WDTC1: variants seen among roughly 807,000 people sequenced by gnomAD.
The protein encoded by WDTC1 is WD and tetratricopeptide repeats protein 1.
In WDTC1, 12 loss-of-function variants were observed where a neutral mutation model predicts 76.0. That is an observed-to-expected ratio of 0.16 (90% confidence interval 0.10 to 0.26). The LOEUF is 0.26. WDTC1 is among the 10% of genes least tolerant of loss of function. WDTC1 has a pLI of 1.00. For synonymous variants in WDTC1, 326 were observed against 350.8 expected (o/e 0.93, Z 0.79); for missense variants, 511 against 908.8 (o/e 0.56, Z 5.63).
At chr1:27,260,397 G>A (rs573210123) in intron 1 of WDTC1, among the ~76,000 whole-genome samples, 64 of 152,306 alleles carry the variant, frequency 4.2e-4, no homozygotes, top group African/African-American at 1.3e-3. Flanking sequence ...GAGCCACCGC[G>A]CCCGGCCCTA....
intron 5 of WDTC1, 63 bp from the exon 6 acceptor site, chr1:27,287,611 A>G (rs943443908): frequency 6.5e-7 from 1 of 1,526,770 alleles, no homozygotes; most frequent in Non-Finnish European, 8.9e-7. Context: ...CATCCAGGCT[A>G]GCCTCCTTCC....
chr1:27,278,344 C>G (rs1322094839), intron 3 of WDTC1, among the ~76,000 whole-genome samples: 1 of 152,190 alleles, frequency 6.6e-6, no homozygotes, highest in African/African-American at 2.4e-5. Context: ...TTGCTGACCT[C>G]TGCTTTAGAT....
chr1:27,260,633 T>C (rs2012448430), intron 1 of WDTC1, among the ~76,000 whole-genome samples: 1 of 152,214 alleles, frequency 6.6e-6, no homozygotes. Context: ...TGAAACTTGA[T>C]GTCTTTCTAG....
chr1:27,238,902 T>C (rs1344513777), intron 1 of WDTC1, among the ~76,000 whole-genome samples: 1 of 150,612 alleles, frequency 6.6e-6, no homozygotes, highest in Non-Finnish European at 1.5e-5. Context: ...GAGACAGGGT[T>C]TTGCCATGTT....
chr1:27,303,065 G>T lies in WDTC1; in HGVS notation c.1469-556G>T, dbSNP rs1347763872. Among the ~76,000 whole-genome samples the T allele has an allele frequency of 6.6e-6, 1 of 152,132 alleles. No individual in the cohort carries two copies. Among genetic ancestry groups the T allele is most frequent in the African/African-American group, 2.4e-5 (1 of 41,440 alleles). On this transcript the variant is annotated intron_variant, in intron 13 of 15. Transcript: ENST00000319394. The surrounding 1 kb of genome is among the most constrained non-coding windows in gnomAD (Gnocchi z 4.8). ...AGGCAGGTGGATCACCTGAGGTCAGGAGTTTGAGACCAGCCTGGCCAATGT... is the reference window on the plus strand; with the variant it reads ...AGGCAGGTGGATCACCTGAGGTCAGTAGTTTGAGACCAGCCTGGCCAATGT...
intron 2 of WDTC1, 110 bp from the exon 3 acceptor site, chr1:27,263,042 G>A (rs1570952827): frequency 8.8e-7 from 1 of 1,133,846 alleles, no homozygotes; most frequent in South Asian, 1.4e-5. Context: ...GTTCCTTGTT[G>A]TCTTCTTTAG....
chr1:27,281,614 G>A (rs1449834611), intron 3 of WDTC1, among the ~76,000 whole-genome samples: 1 of 151,776 alleles, frequency 6.6e-6, no homozygotes, highest in Non-Finnish European at 1.5e-5. Context: ...TTTGAGACAC[G>A]GTCTGGCTCT....
chr1:27,261,735 A>AG lies in WDTC1; in HGVS notation c.48+635dup, dbSNP rs2012480434. Among the ~76,000 whole-genome samples, 3 of 152,164 alleles carry AG rather than the reference A, an allele frequency of 2.0e-5. No homozygotes were observed. In the South Asian group the frequency reaches 6.2e-4, roughly 31 times the overall value. On this transcript the variant is annotated intron_variant, in intron 2 of 15. Transcript: ENST00000319394. ...CTGGTAAGAATCCCCAGCTGGAGTC[A>AG]GGAGCTTCATCTCACCACTGCCCTA...
chr1:27,259,305 G>T (rs904335077), intron 1 of WDTC1, among the ~76,000 whole-genome samples: 4 of 148,994 alleles, frequency 2.7e-5, no homozygotes, highest in Non-Finnish European at 4.4e-5. Context: ...GACTACAGGC[G>T]CATGCCACCA....
At chr1:27,281,149 G>A (rs182252480) in intron 3 of WDTC1, among the ~76,000 whole-genome samples, 24 of 152,158 alleles carry the variant, frequency 1.6e-4, no homozygotes, top group Non-Finnish European at 2.4e-4. Flanking sequence ...CTGGCATGCA[G>A]TAGGTGCTTG....
At chr1:27,291,306 T>G (rs2013528306) in intron 6 of WDTC1, among the ~76,000 whole-genome samples, 1 of 152,224 alleles carries the variant, frequency 6.6e-6, no homozygotes, top group African/African-American at 2.4e-5. Context: ...AATTGAGTCT[T>G]GAAAACCAGA....
chr1:27,305,882 A>G lies in WDTC1; in HGVS notation c.1837-304A>G, dbSNP rs2013942221. Among the ~76,000 whole-genome samples, 1 of 152,102 alleles carries G rather than the reference A, an allele frequency of 6.6e-6. No homozygotes were observed. Among genetic ancestry groups the G allele is most frequent in the Admixed American group, 6.5e-5 (1 of 15,270 alleles). ...GTTGTATCTGCCCCTTGTCCCAGGT[A>G]TCCCAGTATGTGTGTCCAACATATC... On this transcript the variant is annotated intron_variant, in intron 15 of 15. Coordinates refer to ENST00000319394, the MANE Select transcript of WDTC1 (RefSeq NM_001276252.2). The surrounding 1 kb of genome is among the most constrained non-coding windows in gnomAD (Gnocchi z 4.6).
chr1:27,299,085 A>G (rs1020462878), intron 12 of WDTC1, among the ~76,000 whole-genome samples: 2 of 152,202 alleles, frequency 1.3e-5, no homozygotes, highest in African/African-American at 4.8e-5. Context: ...TCTGTCCAAC[A>G]AACAGTTGGG....
Position 27,306,463 on chromosome 1 carries a change from G to T in WDTC1, c.*80G>T, listed in dbSNP as rs1468282907. The T allele has an allele frequency of 6.0e-6, 9 of 1,489,322 alleles. No homozygotes were observed. The highest frequency in any genetic ancestry group is 8.1e-6 in the Non-Finnish European group (9 of 1,115,388). The allele number at this position is 1,489,322 out of a possible 1,614,324, so 92.3% of individuals were successfully genotyped here. ...CAGGAGGTCAGGGGATTCTGTTTTG[G>T]TTTGTCTTCCCCACCACCCTTTTTT... is the stretch of plus-strand genomic sequence containing the variant. On this transcript the variant is annotated 3_prime_UTR_variant, in exon 16 of 16. Transcript: ENST00000319394. This position sits in a 1 kb window ranked among gnomAD's most constrained non-coding sequence, Gnocchi z 5.0.
intron 6 of WDTC1, among the ~76,000 whole-genome samples, chr1:27,289,812 G>A (rs1196280460): frequency 1.3e-4 from 20 of 152,044 alleles, no homozygotes; most frequent in Admixed American, 5.2e-4. Flanking sequence ...GCGAAACCCC[G>A]TCTCCACCAA....
chr1:27,301,575 C>A lies in WDTC1; in HGVS notation c.1468+114C>A. The A allele has an allele frequency of 8.2e-7, 1 of 1,226,426 alleles. No homozygotes were observed. Among genetic ancestry groups the A allele is most frequent in the Non-Finnish European group, 1.1e-6 (1 of 880,578 alleles). The allele number at this position is 1,226,426 out of a possible 1,614,324, so 76.0% of individuals were successfully genotyped here. ...AGAGGCCTGGGTTCAGATGTTGATT[C>A]AGAAACCATGCAACTTTGGGGCAGT... On this transcript the variant is annotated intron_variant, in intron 13 of 15. Coordinates refer to ENST00000319394, the MANE Select transcript of WDTC1 (RefSeq NM_001276252.2). This position sits in a 1 kb window ranked among gnomAD's most constrained non-coding sequence, Gnocchi z 5.8.
chr1:27,239,143 G>A (rs1166506055), intron 1 of WDTC1, among the ~76,000 whole-genome samples: 1 of 144,296 alleles, frequency 6.9e-6, no homozygotes, highest in African/African-American at 2.6e-5. Context: ...GGCTCAAGCA[G>A]TCTGCCTACC....
chr1:27,303,907 G>A lies in WDTC1; in HGVS notation c.1643+112G>A. On this transcript the variant is annotated intron_variant, in intron 14 of 15. Coordinates refer to ENST00000319394, the MANE Select transcript of WDTC1 (RefSeq NM_001276252.2). The surrounding 1 kb of genome is among the most constrained non-coding windows in gnomAD (Gnocchi z 4.8). ...AATCTCAAATCCCTGCTCTGCCTCT[G>A]TACCCTTGGGCAAATGGCTTCACCT... 7.0e-7 allele frequency: 1 copy of A among 1,426,210 alleles called. No individual in the cohort carries two copies. Among genetic ancestry groups the A allele is most frequent in the Non-Finnish European group, 9.6e-7 (1 of 1,043,890 alleles). The allele number at this position is 1,426,210 out of a possible 1,614,324, so 88.3% of individuals were successfully genotyped here.
At chr1:27,281,984 C>T (rs2013203603) in intron 3 of WDTC1, among the ~76,000 whole-genome samples, 1 of 152,182 alleles carries the variant, frequency 6.6e-6, no homozygotes. Context: ...GTTTACTTTT[C>T]TGCAAAACGG....
Sources: allele counts gnomAD v4.1 joint callset (sites outside exome capture counted in the v4.1 genomes callset), GRCh38; gene constraint gnomAD v4.1.1; non-coding constraint Gnocchi (gnomAD v3.1); transcripts MANE v1.5; gene names NCBI Gene and HGNC (gene_info 2026-07-23, HGNC 2026-07-21).